ZNRF2: variants seen among roughly 807,000 people sequenced by gnomAD.
ZNRF2 encodes the protein E3 ubiquitin-protein ligase ZNRF2.
In ZNRF2, 16 loss-of-function variants were observed where a neutral mutation model predicts 20.4. That is an observed-to-expected ratio of 0.79 (90% CI 0.53 to 1.19). The LOEUF is 1.19. ZNRF2 is among the 50% of genes most tolerant of loss of function. The pLI is 0.00. For missense variants in ZNRF2, 363 were observed against 332.4 expected (o/e 1.09, Z -0.72); for synonymous variants, 178 against 144.9 (o/e 1.23, Z -1.64).
chr7:30,332,203 T>C (rs962809562), intron 2 of ZNRF2, among the ~76,000 whole-genome samples: 2 of 152,202 alleles, frequency 1.3e-5, no homozygotes, highest in Admixed American at 6.5e-5. Context: ...AAATAGTACC[T>C]GTCTTCATAG....
chr7:30,319,069 G>A (rs569508809), intron 1 of ZNRF2, among the ~76,000 whole-genome samples: 279 of 150,956 alleles, frequency 1.8e-3, no homozygotes, highest in African/African-American at 6.3e-3. Flanking sequence ...CCAAGATTGC[G>A]CCACTTCACT....
At chr7:30,329,121 A>G (rs1799596280) in intron 2 of ZNRF2, among the ~76,000 whole-genome samples, 1 of 152,204 alleles carries the variant, frequency 6.6e-6, no homozygotes, top group African/African-American at 2.4e-5. Context: ...CAAATTAAAT[A>G]TTATTAGCAA....
chr7:30,348,584 A>G (rs1254532967), intron 2 of ZNRF2, among the ~76,000 whole-genome samples: 1 of 152,168 alleles, frequency 6.6e-6, no homozygotes, highest in African/African-American at 2.4e-5. Flanking sequence ...CTGAATACCT[A>G]TATTTCCACC....
At chr7:30,296,020 A>G (rs1054782651) in intron 1 of ZNRF2, among the ~76,000 whole-genome samples, 2 of 152,214 alleles carry the variant, frequency 1.3e-5, no homozygotes, top group Admixed American at 6.5e-5. Flanking sequence ...GTTTTTCAGC[A>G]CATTTACTAT....
At chr7:30,318,550 G>C (rs78645896) in intron 1 of ZNRF2, among the ~76,000 whole-genome samples, 5,077 of 152,212 alleles carry the variant, frequency 0.033, 322 homozygotes, top group African/African-American at 0.12. Flanking sequence ...AATCTCACCT[G>C]TATTTTTCCT....
chr7:30,297,326 C>T (rs1052636455), intron 1 of ZNRF2, among the ~76,000 whole-genome samples: 3 of 152,098 alleles, frequency 2.0e-5, no homozygotes, highest in African/African-American at 4.8e-5. Context: ...ATTTGCCTGC[C>T]TCTCTCTTAT....
At position 30,360,874 on chromosome 7, in the gene ZNRF2, T is replaced by C. The variant is rs188655397; in HGVS notation, c.672-1503T>C. On this transcript the variant is annotated intron_variant, in intron 3 of 4. Transcript: ENST00000323037. ...TAGAATATACACATATATAGTTATA[T>C]AGAGTAAGAAGATGCCTAGAAATGA... Among the ~76,000 whole-genome samples the C allele has an allele frequency of 5.1e-4, 77 of 152,258 alleles. 1 individual carries two copies. Among genetic ancestry groups the C allele is most frequent in the African/African-American group, 1.7e-3 (71 of 41,546 alleles).
intron 2 of ZNRF2, among the ~76,000 whole-genome samples, chr7:30,345,869 G>A (rs1009252281): frequency 3.3e-5 from 5 of 152,172 alleles, no homozygotes; most frequent in Middle Eastern, 3.4e-3. Context: ...CCATAGTTGC[G>A]TTACAGTTCC....
At chr7:30,292,804 G>C (rs1323815853) in intron 1 of ZNRF2, among the ~76,000 whole-genome samples, 4 of 152,188 alleles carry the variant, frequency 2.6e-5, no homozygotes, top group African/African-American at 9.7e-5. Context: ...GAGGGCTGTA[G>C]AAGATGAGAG....
chr7:30,307,136 A>G lies in ZNRF2; in HGVS notation c.470-16506A>G, dbSNP rs80284288. On this transcript the variant is annotated intron_variant, in intron 1 of 4. Transcript: ENST00000323037. ...TCTTGGTGAAAACTTTGTAGACTTC[A>G]GACGGTCTCTGTGGTTTCCCAGGTT... 6.4e-3 allele frequency among the ~76,000 whole-genome samples: 979 copies of G among 151,814 alleles called. 13 individuals carry two copies. Among genetic ancestry groups the G allele is most frequent in the African/African-American group, 0.022 (906 of 41,436 alleles).
intron 1 of ZNRF2, among the ~76,000 whole-genome samples, chr7:30,287,735 C>T (rs6976514): frequency 0.18 from 23,304 of 128,948 alleles, 4,736 homozygotes; most frequent in African/African-American, 0.51. Flanking sequence ...GAGGAACTTA[C>T]AGCAGCCTTT....
At chr7:30,354,168 A>G (rs148007168) in intron 2 of ZNRF2, among the ~76,000 whole-genome samples, 13 of 152,128 alleles carry the variant, frequency 8.5e-5, no homozygotes, top group Admixed American at 3.3e-4. Flanking sequence ...AGAAAAAAAA[A>G]TGGGGAAAGG....
chr7:30,360,781 G>T (rs948422810), intron 3 of ZNRF2, among the ~76,000 whole-genome samples: 3 of 152,088 alleles, frequency 2.0e-5, no homozygotes, highest in Admixed American at 6.5e-5. Context: ...GTTACAAAAA[G>T]CATAATGCTG....
intron 2 of ZNRF2, among the ~76,000 whole-genome samples, chr7:30,335,347 G>A (rs1799701072): frequency 6.6e-6 from 1 of 152,124 alleles, no homozygotes; most frequent in South Asian, 2.1e-4. Context: ...AAGTGAAACA[G>A]CATAGCTGTC....
chr7:30,314,783 T>C (rs1799342495), intron 1 of ZNRF2, among the ~76,000 whole-genome samples: 2 of 145,342 alleles, frequency 1.4e-5, no homozygotes, highest in African/African-American at 2.6e-5. Flanking sequence ...TTTCCAAATA[T>C]GGGAAATATA....
chr7:30,291,525 G>A (rs1562602460), intron 1 of ZNRF2, among the ~76,000 whole-genome samples: 3 of 152,194 alleles, frequency 2.0e-5, no homozygotes, highest in Admixed American at 1.3e-4. Flanking sequence ...ATTGGTGAGG[G>A]AGAAGAAAAG....
At chr7:30,298,541 G>A (rs189277246) in intron 1 of ZNRF2, among the ~76,000 whole-genome samples, 1 of 152,282 alleles carries the variant, frequency 6.6e-6, no homozygotes, top group African/African-American at 2.4e-5. Flanking sequence ...ATACACAATC[G>A]TTTATGCTAG....
At chr7:30,326,664 G>T (rs1319372797) in intron 2 of ZNRF2, among the ~76,000 whole-genome samples, 2 of 152,204 alleles carry the variant, frequency 1.3e-5, no homozygotes, top group Non-Finnish European at 2.9e-5. Flanking sequence ...TAGTGGGATT[G>T]ATGGGTCAAA....
chr7:30,288,951 A>G (rs1392745317), intron 1 of ZNRF2: 4 of 152,226 alleles, frequency 2.6e-5, no homozygotes, highest in Admixed American at 6.5e-5. Flanking sequence ...ATAAGAGCAT[A>G]ATATGAGTGG....
Sources: allele counts gnomAD v4.1 joint callset (sites outside exome capture counted in the v4.1 genomes callset), GRCh38; gene constraint gnomAD v4.1.1; transcripts MANE v1.5; gene names NCBI Gene and HGNC (gene_info 2026-07-23, HGNC 2026-07-21).